Variants in PCDH15 observed in about 807,000 individuals in gnomAD.
The protein encoded by PCDH15 is protocadherin-15.
PCDH15 carries 129 observed loss-of-function variants against 178.5 expected under a neutral mutation model. The ratio of observed to expected loss-of-function variants is 0.72; its 90% CI spans 0.63 to 0.84. PCDH15 has a LOEUF of 0.84. Ranked by LOEUF, PCDH15 falls within the 40% of genes least tolerant of loss-of-function variation. The pLI is 0.00. For synonymous variants in PCDH15, 800 were observed against 732.0 expected (o/e 1.09, Z -1.50); for missense variants, 2,230 against 2,099.9 (o/e 1.06, Z -1.21).
chr10:54,108,601 G>A (rs1413953110), intron 15 of PCDH15, among the ~76,000 whole-genome samples: 3 of 152,134 alleles, frequency 2.0e-5, no homozygotes, highest in Non-Finnish European at 4.4e-5. Flanking sequence ...CTAGTGCTGA[G>A]CTGGGCTTAG....
intron 3 of PCDH15, among the ~76,000 whole-genome samples, chr10:54,885,563 C>T (rs760714940): frequency 6.6e-6 from 1 of 151,808 alleles, no homozygotes; most frequent in South Asian, 2.1e-4. Context: ...AGGTCATCCC[C>T]GATACTTCAT....
At chr10:53,933,872 G>A (rs1589496696) in intron 25 of PCDH15, among the ~76,000 whole-genome samples, 3 of 152,254 alleles carry the variant, frequency 2.0e-5, no homozygotes, top group African/African-American at 4.8e-5. Context: ...CATTCTAACT[G>A]GTGTGAGATG....
At chr10:54,592,748 A>G (rs758547907) in intron 2 of PCDH15, among the ~76,000 whole-genome samples, 35 of 152,284 alleles carry the variant, frequency 2.3e-4, no homozygotes, top group Non-Finnish European at 4.9e-4. Flanking sequence ...TCCATTTTTA[A>G]TTGTTAAAGG....
chr10:55,153,450 C>A (rs1290951656), intron 2 of PCDH15, among the ~76,000 whole-genome samples: 1 of 152,102 alleles, frequency 6.6e-6, no homozygotes, highest in African/African-American at 2.4e-5. Flanking sequence ...AAGCAGAATG[C>A]AATTTTTCAC....
At chr10:53,906,475 G>A (rs1463930426) in intron 25 of PCDH15, among the ~76,000 whole-genome samples, 1 of 152,084 alleles carries the variant, frequency 6.6e-6, no homozygotes, top group Non-Finnish European at 1.5e-5. Flanking sequence ...TAATGCCTCA[G>A]TTTGTAGGTA....
chr10:54,847,283 G>A (rs1953533770), intron 3 of PCDH15, among the ~76,000 whole-genome samples: 1 of 152,066 alleles, frequency 6.6e-6, no homozygotes, highest in Non-Finnish European at 1.5e-5. Context: ...TAAATGAAGT[G>A]CTATAAAAAT....
intron 2 of PCDH15, among the ~76,000 whole-genome samples, chr10:55,074,834 T>G (rs543123885): frequency 1.3e-5 from 2 of 152,270 alleles, no homozygotes; most frequent in Admixed American, 6.5e-5. Flanking sequence ...TCTTCTAAGA[T>G]TTTTATGTTT....
chr10:55,519,093 CAAAAAAAAAAAAAA>C (rs33942260), intron 2 of PCDH15, among the ~76,000 whole-genome samples: 2 of 66,190 alleles, frequency 3.0e-5, no homozygotes, highest in Admixed American at 2.0e-4. Flanking sequence ...GATTTCGTCT[CAAAAAAAAAAAAAA>C]AAAAAAAAAA....
intron 2 of PCDH15, among the ~76,000 whole-genome samples, chr10:54,990,782 T>A (rs1207916532): frequency 2.0e-5 from 3 of 152,056 alleles, no homozygotes; most frequent in Non-Finnish European, 4.4e-5. Flanking sequence ...ACTGGATTGG[T>A]CTCTGGTCAG....
chr10:54,767,962 C>T (rs752411573), intron 1 of PCDH15, among the ~76,000 whole-genome samples: 12 of 152,138 alleles, frequency 7.9e-5, no homozygotes, highest in Admixed American at 2.0e-4. Context: ...TTAATAATAA[C>T]GCATCAATAT....
At chr10:54,052,681 CT>C (rs1443122169) in intron 18 of PCDH15, among the ~76,000 whole-genome samples, 1 of 152,042 alleles carries the variant, frequency 6.6e-6, no homozygotes, top group Non-Finnish European at 1.5e-5. Flanking sequence ...CTTTGGGGGA[CT>C]GTTGGAAGGG....
At chr10:54,254,857 C>G (rs1045048107) in intron 8 of PCDH15, among the ~76,000 whole-genome samples, 16 of 152,140 alleles carry the variant, frequency 1.1e-4, no homozygotes, top group African/African-American at 3.4e-4. Flanking sequence ...TATTTGCCCA[C>G]CGGGTCTCTG....
At chr10:55,128,791 C>A (rs1276009367) in intron 2 of PCDH15, among the ~76,000 whole-genome samples, 1 of 151,766 alleles carries the variant, frequency 6.6e-6, no homozygotes, top group Non-Finnish European at 1.5e-5. Context: ...GCTGTGAAGG[C>A]AGTCATCAAT....
At chr10:54,000,983 C>T (rs377572120) in intron 20 of PCDH15, among the ~76,000 whole-genome samples, 43 of 152,260 alleles carry the variant, frequency 2.8e-4, no homozygotes, top group African/African-American at 9.9e-4. Flanking sequence ...TCTAATACAT[C>T]TGGCAGCAGA....
chr10:54,966,797 T>G (rs982319448), intron 2 of PCDH15, among the ~76,000 whole-genome samples: 6 of 152,140 alleles, frequency 3.9e-5, no homozygotes, highest in Non-Finnish European at 1.5e-5. Context: ...TCCACCATGA[T>G]TGTGAGGCCT....
chr10:55,164,606 T>C (rs1839149654), intron 2 of PCDH15, among the ~76,000 whole-genome samples: 1 of 152,066 alleles, frequency 6.6e-6, no homozygotes, highest in African/African-American at 2.4e-5. Flanking sequence ...TTTTCATAAT[T>C]CATGCTCTTG....
chr10:54,954,661 G>T (rs1838435155), intron 2 of PCDH15, among the ~76,000 whole-genome samples: 1 of 151,100 alleles, frequency 6.6e-6, no homozygotes, highest in African/African-American at 2.4e-5. Flanking sequence ...AAATAGATCT[G>T]CTTTACACTT....
At chr10:53,905,167 T>C (rs868389076) in intron 25 of PCDH15, 1 of 518,782 alleles carries the variant, frequency 1.9e-6, no homozygotes, top group Non-Finnish European at 3.8e-6. Flanking sequence ...CAGCTGCCCA[T>C]ATACTTAAGT....
chr10:55,541,115 T>C (rs571111463), intron 2 of PCDH15, among the ~76,000 whole-genome samples: 2 of 152,108 alleles, frequency 1.3e-5, no homozygotes, highest in African/African-American at 4.8e-5. Flanking sequence ...CAGGCAACTT[T>C]GCAAATAGAG....
Sources: gnomAD v4.1 joint callset for allele counts (sites outside exome capture counted in the v4.1 genomes callset) on GRCh38, gnomAD v4.1.1 for gene constraint, MANE v1.5 for transcripts, NCBI Gene and HGNC (gene_info 2026-07-23, HGNC 2026-07-21) for gene names.